Variants in NSUN6 observed in about 807,000 individuals in gnomAD.
NSUN6 encodes the protein NOP2/Sun RNA methyltransferase 6, also known as tRNA (cytosine(72)-C(5))-methyltransferase NSUN6.
A neutral mutation model predicts 58.0 loss-of-function variants in NSUN6; 64 were observed. The ratio of observed to expected loss-of-function variants is 1.10; its 90% CI spans 0.90 to 1.36. The LOEUF (loss-of-function observed/expected upper bound fraction) is 1.36. Among genes scored for constraint, NSUN6 ranks in the 40% most tolerant of loss-of-function variants. The pLI is 0.00. For missense variants in NSUN6, 701 were observed against 550.1 expected, an observed-to-expected ratio of 1.27 and a Z score of -2.74; for synonymous variants, 231 against 193.9, an observed-to-expected ratio of 1.19 and a Z score of -1.59.
intron 3 of NSUN6, among the ~76,000 whole-genome samples, chr10:18,618,773 T>C (rs376723793): frequency 5.9e-5 from 9 of 152,014 alleles, no homozygotes; most frequent in African/African-American, 1.4e-4. Flanking sequence ...GCATTCTAGA[T>C]AATTTCCTAA....
intron 6 of NSUN6, among the ~76,000 whole-genome samples, chr10:18,596,902 T>C (rs1464790194): frequency 6.6e-6 from 1 of 152,176 alleles, no homozygotes; most frequent in Non-Finnish European, 1.5e-5. Context: ...TTCTTCCAGT[T>C]AACCAAGAAT....
chr10:18,606,248 T>G (rs541662917), intron 6 of NSUN6, among the ~76,000 whole-genome samples: 1 of 152,254 alleles, frequency 6.6e-6, no homozygotes, highest in East Asian at 1.9e-4. Context: ...GGGGTTATCA[T>G]GTACCCCCTG....
chr10:18,627,837 G>A (rs1052581296), intron 3 of NSUN6, among the ~76,000 whole-genome samples: 11 of 152,228 alleles, frequency 7.2e-5, no homozygotes, highest in Admixed American at 1.3e-4. Flanking sequence ...GGGGAGGGGC[G>A]CCAGCCATTG....
chr10:18,576,701 C>T (rs919826367), intron 8 of NSUN6, among the ~76,000 whole-genome samples: 1 of 152,066 alleles, frequency 6.6e-6, no homozygotes, highest in Non-Finnish European at 1.5e-5. Context: ...TCCTTGGAGA[C>T]CGGAAGGGAT....
At position 18,642,536 on chromosome 10, in the gene NSUN6, A is replaced by G. The variant is rs372825543; in HGVS notation, c.251T>C (p.Val84Ala). The G allele has an allele frequency of 2.6e-6, 4 of 1,524,584 alleles. No individual in the cohort carries two copies. 94.4% of individuals were successfully genotyped at this position (1,524,584 alleles called of 1,614,324 possible). Residue 84 changes from valine to alanine, a missense_variant, in exon 3 of 11, where the codon GTT becomes GCT. Physicochemically the swap from Val to Ala is moderately conservative, Grantham distance 64. Coordinates refer to ENST00000377304, the MANE Select transcript of NSUN6 (RefSeq NM_182543.5). ...AAGGTCTGGATGTTGAAGAATAGGA[A>G]CACTTAATCCATTAAACTGCTGTTA... ...ELQKQFNGLS[V>A]PILQHPDLQD...
chr10:18,620,921 A>C (rs1271796228), intron 3 of NSUN6, among the ~76,000 whole-genome samples: 1 of 152,232 alleles, frequency 6.6e-6, no homozygotes, highest in Admixed American at 6.5e-5. Context: ...TGAAAATAAC[A>C]TGGAGGGGAA....
At chr10:18,596,108 C>A in intron 7 of NSUN6, 100 bp downstream of exon 7, 1 of 975,180 alleles carries the variant, frequency 1.0e-6, no homozygotes. Context: ...TTGGCTGAAT[C>A]TGAACTAAAT....
At chr10:18,570,074 C>T (rs1413390270) in intron 8 of NSUN6, among the ~76,000 whole-genome samples, 1 of 150,574 alleles carries the variant, frequency 6.6e-6, no homozygotes, top group African/African-American at 2.4e-5. Context: ...CCATTCCATT[C>T]TCCATTCCAT....
At chr10:18,566,513 T>TTCCATTCTCCATTCC (rs2055962701) in intron 8 of NSUN6, among the ~76,000 whole-genome samples, 3 of 147,408 alleles carry the variant, frequency 2.0e-5, no homozygotes, top group East Asian at 2.0e-4. Flanking sequence ...TTCTCCATTC[T>TTCCATTCTCCATTCC]ATTCCACTCC....
upstream of NSUN6, chr10:18,651,705 C>A (rs969120377): frequency 5.1e-6 from 5 of 985,770 alleles, no homozygotes; most frequent in Admixed American, 6.1e-5. Context: ...CCGCAAGTTT[C>A]CCCAACACTG....
At chr10:18,564,079 A>G (rs974235483) in intron 8 of NSUN6, among the ~76,000 whole-genome samples, 1 of 147,338 alleles carries the variant, frequency 6.8e-6, no homozygotes, top group East Asian at 2.1e-4. Flanking sequence ...TCTTGATTCC[A>G]TTCCATTTCT....
At chr10:18,652,204 G>A, upstream of NSUN6, 1 of 984,926 alleles carries the variant, frequency 1.0e-6, no homozygotes, top group Non-Finnish European at 1.2e-6. Flanking sequence ...GAGTTTGGAA[G>A]ACCCTCGCCA....
chr10:18,572,969 A>T, intron 8 of NSUN6, among the ~76,000 whole-genome samples: 1 of 140,182 alleles, frequency 7.1e-6, no homozygotes, highest in Non-Finnish European at 1.5e-5. Flanking sequence ...TCTCCATTCC[A>T]TTTCATTCTC....
chr10:18,600,939 A>ATATATAT (rs1287443145), intron 6 of NSUN6, among the ~76,000 whole-genome samples: 2 of 31,576 alleles, frequency 6.3e-5, no homozygotes, highest in South Asian at 1.3e-3. Context: ...AAAAAAAAAA[A>ATATATAT]AAATATATAT....
At chr10:18,603,067 C>T (rs1388566121) in intron 6 of NSUN6, among the ~76,000 whole-genome samples, 1 of 152,124 alleles carries the variant, frequency 6.6e-6, no homozygotes, top group Non-Finnish European at 1.5e-5. Flanking sequence ...CCGAGGCAAG[C>T]AGATCACTTG....
intron 3 of NSUN6, among the ~76,000 whole-genome samples, chr10:18,638,395 T>C (rs1273882966): frequency 6.6e-6 from 1 of 152,114 alleles, no homozygotes; most frequent in Non-Finnish European, 1.5e-5. Context: ...TGAGCCAAGA[T>C]CGTGCCACTG....
intron 8 of NSUN6, among the ~76,000 whole-genome samples, chr10:18,552,416 G>A (rs532507812): frequency 1.3e-5 from 2 of 152,244 alleles, no homozygotes; most frequent in Admixed American, 6.6e-5. Flanking sequence ...CTGTGGCCAT[G>A]AGAATGGCTA....
At chr10:18,630,784 C>T (rs1400253531) in intron 3 of NSUN6, among the ~76,000 whole-genome samples, 1 of 152,104 alleles carries the variant, frequency 6.6e-6, no homozygotes, top group Non-Finnish European at 1.5e-5. Context: ...ACCAAAGAGT[C>T]CAGTACCAGA....
intron 7 of NSUN6, among the ~76,000 whole-genome samples, chr10:18,592,663 T>C (rs894378130): frequency 6.6e-6 from 1 of 152,168 alleles, no homozygotes; most frequent in Non-Finnish European, 1.5e-5. Flanking sequence ...TGGCTGTCCA[T>C]ATGCAGAAGA....
Sources: allele counts gnomAD v4.1 joint callset (sites outside exome capture counted in the v4.1 genomes callset), GRCh38; gene constraint gnomAD v4.1.1; transcripts MANE v1.5; gene names NCBI Gene and HGNC (gene_info 2026-07-23, HGNC 2026-07-21).